The following ME1 variants were observed in gnomAD, a reference collection of about 807,000 sequenced individuals.
The protein encoded by ME1 is malic enzyme 1.
Under a neutral mutation model 66.4 loss-of-function variants are expected in ME1, and 74 were observed. That is an observed-to-expected ratio of 1.11 (90% CI 0.92 to 1.35). The LOEUF is 1.35. ME1 is among the 40% of genes most tolerant of loss of function. ME1 has a pLI of 0.00. For missense variants in ME1, 750 were observed against 694.1 expected, an observed-to-expected ratio of 1.08 and a Z score of -0.90; for synonymous variants, 251 against 235.6, an observed-to-expected ratio of 1.07 and a Z score of -0.60.
At chr6:83,356,463 T>C (rs1768891904) in intron 3 of ME1, among the ~76,000 whole-genome samples, 1 of 152,084 alleles carries the variant, frequency 6.6e-6, no homozygotes, top group Admixed American at 6.5e-5. Context: ...AGGATAAAGA[T>C]GCAAATTTAG....
At chr6:83,427,148 ATAGT>A (rs1410941997) in intron 1 of ME1, among the ~76,000 whole-genome samples, 9 of 152,326 alleles carry the variant, frequency 5.9e-5, no homozygotes, top group African/African-American at 1.7e-4. Context: ...CATCTCAAAA[ATAGT>A]TAGGGCTATG....
chr6:83,212,156 A>G lies in ME1; in HGVS notation c.1549-62T>C, dbSNP rs935601056. On this transcript the variant is annotated intron_variant, in intron 13 of 13. Coordinates refer to ENST00000369705, the MANE Select transcript of ME1 (RefSeq NM_002395.6). ...ATAGAGGTAATCATGAGCCCATGTGAGTGGAAGTTTTTATCCATTTCAAAA... is the reference window on the plus strand; with the variant it reads ...ATAGAGGTAATCATGAGCCCATGTGGGTGGAAGTTTTTATCCATTTCAAAA... The G allele has an allele frequency of 6.5e-6, 8 of 1,223,244 alleles. No homozygotes were observed. The African/African-American group carries it at 9.2e-5, about 14-fold the overall frequency. The allele number at this position is 1,223,244 out of a possible 1,614,324, so 75.8% of individuals were successfully genotyped here. A position where few individuals can be genotyped will look rare whatever the true frequency, so the allele number is the denominator to read the frequency against.
At chr6:83,223,706 C>A in intron 12 of ME1, 54 bp downstream of exon 12, 1 of 1,523,450 alleles carries the variant, frequency 6.6e-7, no homozygotes, top group Non-Finnish European at 9.0e-7. Flanking sequence ...ACAACCTAGG[C>A]TGAGCACACT....
At chr6:83,232,713 C>T (rs1220246907) in intron 9 of ME1, among the ~76,000 whole-genome samples, 1 of 152,090 alleles carries the variant, frequency 6.6e-6, no homozygotes, top group Non-Finnish European at 1.5e-5. Flanking sequence ...CAGCACCAGT[C>T]AAAAATTCTG....
At chr6:83,406,915 G>A (rs1769954922) in intron 2 of ME1, among the ~76,000 whole-genome samples, 1 of 150,674 alleles carries the variant, frequency 6.6e-6, no homozygotes, top group East Asian at 2.0e-4. Context: ...GATTTAACAA[G>A]CCTTCTCCCT....
At position 83,237,752 on chromosome 6, in the gene ME1, T is replaced by C. The variant is rs1790443001; in HGVS notation, c.991A>G (p.Ile331Val). 8.1e-6 allele frequency: 13 copies of C among 1,608,862 alleles called. No individual in the cohort carries two copies. Among genetic ancestry groups the C allele is most frequent in the Non-Finnish European group, 1.0e-5 (12 of 1,176,646 alleles). ...GLPKEKAIKK[I>V]WLVDSKGLIV... is the part of the protein sequence containing the mutation. ...AATCCTTTTGAATCAACCAGCCATATCTTTTTGATGGCTTTCTCTTTTGGT... is the reference window on the plus strand; with the variant it reads ...AATCCTTTTGAATCAACCAGCCATACCTTTTTGATGGCTTTCTCTTTTGGT... Residue 331 changes from isoleucine (I) to valine (V), a missense_variant, in exon 9 of 14, where the codon ATA (isoleucine) becomes GTA (valine). Coordinates refer to ENST00000369705, the MANE Select transcript of ME1 (RefSeq NM_002395.6).
intron 6 of ME1, among the ~76,000 whole-genome samples, chr6:83,289,729 C>G (rs995933754): frequency 2.0e-5 from 3 of 152,150 alleles, no homozygotes; most frequent in Non-Finnish European, 4.4e-5. Flanking sequence ...CTTTGTACCT[C>G]TGGTAGAATA....
intron 3 of ME1, among the ~76,000 whole-genome samples, chr6:83,353,420 C>A (rs1212612305): frequency 6.6e-6 from 1 of 152,180 alleles, no homozygotes; most frequent in Non-Finnish European, 1.5e-5. Flanking sequence ...AATTTCACCA[C>A]ATCTACTATT....
chr6:83,313,395 TA>T (rs201151588), intron 6 of ME1, among the ~76,000 whole-genome samples: 20 of 148,790 alleles, frequency 1.3e-4, no homozygotes, highest in South Asian at 1.1e-3. Flanking sequence ...ATTCCACATT[TA>T]AAAAAAAAAC....
intron 3 of ME1, among the ~76,000 whole-genome samples, chr6:83,352,448 C>G (rs1282177598): frequency 6.6e-6 from 1 of 152,026 alleles, no homozygotes; most frequent in Admixed American, 6.6e-5. Flanking sequence ...ATTATCAGTT[C>G]CACTCACAAA....
chr6:83,298,419 T>C (rs912019548), intron 6 of ME1, among the ~76,000 whole-genome samples: 7 of 152,204 alleles, frequency 4.6e-5, no homozygotes, highest in Admixed American at 1.3e-4. Context: ...TGTGTGTTTT[T>C]TTTTATTGTA....
At chr6:83,372,493 G>T (rs1162029680) in intron 3 of ME1, among the ~76,000 whole-genome samples, 2 of 152,130 alleles carry the variant, frequency 1.3e-5, no homozygotes, top group Non-Finnish European at 2.9e-5. Context: ...CCACTCATGT[G>T]GATTCTCCAT....
chr6:83,347,497 A>G (rs76370215), intron 4 of ME1, among the ~76,000 whole-genome samples: 46 of 152,300 alleles, frequency 3.0e-4, no homozygotes, highest in African/African-American at 9.9e-4. Flanking sequence ...GGTGAATTTA[A>G]GCTTCTGTTT....
At chr6:83,358,686 G>A (rs1768947342) in intron 3 of ME1, among the ~76,000 whole-genome samples, 1 of 152,096 alleles carries the variant, frequency 6.6e-6, no homozygotes, top group Admixed American at 6.6e-5. Context: ...CACTGAGTTT[G>A]TAAACTCTGA....
intron 3 of ME1, among the ~76,000 whole-genome samples, chr6:83,391,174 G>A (rs868349215): frequency 1.3e-5 from 2 of 152,088 alleles, no homozygotes; most frequent in South Asian, 4.1e-4. Context: ...CAAAAGTATG[G>A]ATAAGATGCG....
At chr6:83,225,355 C>T (rs1790175607) in intron 11 of ME1, among the ~76,000 whole-genome samples, 1 of 151,814 alleles carries the variant, frequency 6.6e-6, no homozygotes, top group African/African-American at 2.4e-5. Context: ...ATCAGAAACC[C>T]TAAACAAATA....
chr6:83,242,471 G>A (rs1738631), intron 7 of ME1, among the ~76,000 whole-genome samples: 11,661 of 151,968 alleles, frequency 0.077, 643 homozygotes, highest in Non-Finnish European at 0.11. Flanking sequence ...GCAGGGGGAT[G>A]GGTGAATTTA....
intron 7 of ME1, among the ~76,000 whole-genome samples, chr6:83,245,077 G>C (rs1293727036): frequency 6.6e-6 from 1 of 152,112 alleles, no homozygotes; most frequent in Non-Finnish European, 1.5e-5. Context: ...GTGAAGAACA[G>C]GGAGAGCAGG....
chr6:83,329,075 A>G (rs2128541809), intron 5 of ME1, among the ~76,000 whole-genome samples: 1 of 152,260 alleles, frequency 6.6e-6, no homozygotes, highest in East Asian at 1.9e-4. Flanking sequence ...TGTCTCCCAC[A>G]TTTCTATCTT....
Sources: gnomAD v4.1 joint callset for allele counts (sites outside exome capture counted in the v4.1 genomes callset) on GRCh38, gnomAD v4.1.1 for gene constraint, MANE v1.5 for transcripts, NCBI Gene and HGNC (gene_info 2026-07-23, HGNC 2026-07-21) for gene names.